The following CRIM1 variants were observed in gnomAD, a reference collection of about 807,000 sequenced individuals.
CRIM1 encodes cysteine-rich motor neuron 1 protein.
In CRIM1, 32 loss-of-function variants were observed where a neutral mutation model predicts 116.4. The observed-to-expected ratio is 0.27, with a 90% CI of 0.21 to 0.37. The LOEUF (loss-of-function observed/expected upper bound fraction) is 0.37, where lower values mean the gene tolerates loss of function less well. CRIM1 is among the 10% of genes least tolerant of loss of function. CRIM1 has a pLI of 1.00. For synonymous variants in CRIM1, 590 were observed against 509.2 expected (o/e 1.16, Z -2.13); for missense variants, 1,331 against 1,354.8 (o/e 0.98, Z 0.28).
chr2:36,521,132 C>T (rs754662967), intron 12 of CRIM1, among the ~76,000 whole-genome samples: 1 of 152,134 alleles, frequency 6.6e-6, no homozygotes, highest in South Asian at 2.1e-4. Flanking sequence ...CTTGAAGTTA[C>T]AATTTTCATT....
At chr2:36,436,827 A>G (rs1675351467) in intron 2 of CRIM1, among the ~76,000 whole-genome samples, 1 of 152,232 alleles carries the variant, frequency 6.6e-6, no homozygotes. Context: ...ATAAATTAAA[A>G]AAGAAAGCTC....
At chr2:36,451,651 A>G (rs1391540908) in intron 4 of CRIM1, among the ~76,000 whole-genome samples, 1 of 152,156 alleles carries the variant, frequency 6.6e-6, no homozygotes, top group Non-Finnish European at 1.5e-5. Context: ...GAGCTTTCCA[A>G]AGTTTGTCAA....
chr2:36,386,398 G>T (rs921272824), intron 1 of CRIM1, among the ~76,000 whole-genome samples: 12 of 152,166 alleles, frequency 7.9e-5, no homozygotes, highest in African/African-American at 2.7e-4. Context: ...GCTTGATACA[G>T]TATTGAGGTT....
chr2:36,543,315 C>T (rs977301777), intron 14 of CRIM1, among the ~76,000 whole-genome samples: 1 of 152,196 alleles, frequency 6.6e-6, no homozygotes, highest in Non-Finnish European at 1.5e-5. Context: ...CTTTCCTCTT[C>T]TCTCAAAGTC....
chr2:36,366,470 G>C (rs921189714), intron 1 of CRIM1, among the ~76,000 whole-genome samples: 1 of 152,042 alleles, frequency 6.6e-6, no homozygotes, highest in African/African-American at 2.4e-5. Flanking sequence ...TCAAGTTCCT[G>C]AGAAGAGAAT....
intron 2 of CRIM1, among the ~76,000 whole-genome samples, chr2:36,429,493 C>T (rs1349036989): frequency 1.3e-5 from 2 of 152,094 alleles, no homozygotes; most frequent in African/African-American, 2.4e-5. Flanking sequence ...ATGAGATTGG[C>T]GGGGACGGCT....
chr2:36,428,964 G>A (rs546582313), intron 2 of CRIM1, among the ~76,000 whole-genome samples: 1 of 152,320 alleles, frequency 6.6e-6, no homozygotes, highest in South Asian at 2.1e-4. Flanking sequence ...TCCATGAAGT[G>A]AGCATAAATG....
intron 4 of CRIM1, among the ~76,000 whole-genome samples, chr2:36,455,284 G>A (rs1677049182): frequency 1.3e-5 from 2 of 152,300 alleles, no homozygotes; most frequent in African/African-American, 2.4e-5. Flanking sequence ...AGACTCTCAA[G>A]CCTCTCAGAT....
chr2:36,428,089 T>A (rs1351956625), intron 2 of CRIM1, among the ~76,000 whole-genome samples: 1 of 152,248 alleles, frequency 6.6e-6, no homozygotes, highest in African/African-American at 2.4e-5. Flanking sequence ...TAAGCAATTT[T>A]AAATATTATG....
intron 2 of CRIM1, among the ~76,000 whole-genome samples, chr2:36,429,241 A>C (rs895523535): frequency 6.6e-6 from 1 of 152,178 alleles, no homozygotes; most frequent in Non-Finnish European, 1.5e-5. Flanking sequence ...GTTTCACCAT[A>C]ATCTGTTGAG....
chr2:36,506,112 G>A (rs990138286), intron 8 of CRIM1, among the ~76,000 whole-genome samples: 3 of 145,896 alleles, frequency 2.1e-5, no homozygotes, highest in Non-Finnish European at 4.5e-5. Context: ...CCTTGAACAG[G>A]ACACCATCCC....
intron 4 of CRIM1, among the ~76,000 whole-genome samples, chr2:36,449,031 C>A (rs570861940): frequency 1.4e-3 from 194 of 136,410 alleles, no homozygotes; most frequent in African/African-American, 4.6e-3. Context: ...ATTTTTTTGA[C>A]TTGTTTTTTT....
intron 1 of CRIM1, among the ~76,000 whole-genome samples, chr2:36,370,161 A>C (rs1020667160): frequency 1.3e-5 from 2 of 151,834 alleles, no homozygotes; most frequent in African/African-American, 4.8e-5. Context: ...AGAGCTTCTG[A>C]ATATTGCTGA....
At chr2:36,357,661 A>C (rs1202109429) in intron 1 of CRIM1, among the ~76,000 whole-genome samples, 1 of 151,614 alleles carries the variant, frequency 6.6e-6, no homozygotes, top group Non-Finnish European at 1.5e-5. Context: ...TAAAAGTGGG[A>C]TCCCTGCTCT....
rs183239484 is a variant in CRIM1 at position 36,363,994 on chromosome 2, C to T, written c.331+7371C>T. ...TCTGCCTGAAAATATTCATGAGCAT[C>T]GCCTATGGGTCTTGTCTCTGTGCTT... On this transcript the variant is annotated intron_variant, in intron 1 of 16. Transcript: ENST00000280527. 2.6e-3 allele frequency among the ~76,000 whole-genome samples: 401 copies of T among 152,280 alleles called. 2 individuals are homozygous for T. Among genetic ancestry groups the T allele is most frequent in the Non-Finnish European group, 1.0e-3 (70 of 68,022 alleles).
chr2:36,461,862 A>T (rs565668236), intron 4 of CRIM1, among the ~76,000 whole-genome samples: 23 of 152,306 alleles, frequency 1.5e-4, no homozygotes, highest in African/African-American at 5.3e-4. Flanking sequence ...TAAGGTTTTA[A>T]CCTAATAGAT....
At chr2:36,470,145 A>G (rs1488137344) in intron 5 of CRIM1, among the ~76,000 whole-genome samples, 1 of 152,226 alleles carries the variant, frequency 6.6e-6, no homozygotes, top group Non-Finnish European at 1.5e-5. Flanking sequence ...TTAAAAACAC[A>G]CAGAACTCAA....
At chr2:36,442,572 TAAATATAACA>T (rs1558589344) in intron 3 of CRIM1, 33 bp from the exon 4 acceptor site, 2 of 1,611,368 alleles carry the variant, frequency 1.2e-6, no homozygotes. Flanking sequence ...CAAAAGCAAG[TAAATATAACA>T]ATAAACGGTG....
At chr2:36,532,260 G>A (rs1215499972) in intron 13 of CRIM1, among the ~76,000 whole-genome samples, 2 of 152,170 alleles carry the variant, frequency 1.3e-5, no homozygotes, top group African/African-American at 4.8e-5. Context: ...CTTAGAAGGG[G>A]ATCATGTTTA....
Sources: gnomAD v4.1 joint callset for allele counts (sites outside exome capture counted in the v4.1 genomes callset) on GRCh38, gnomAD v4.1.1 for gene constraint, MANE v1.5 for transcripts, NCBI Gene and HGNC (gene_info 2026-07-23, HGNC 2026-07-21) for gene names.